Variants in BIVM observed in about 807,000 individuals in gnomAD.
BIVM encodes basic, immunoglobulin-like variable motif containing.
In BIVM, 31 loss-of-function variants were observed where a neutral mutation model predicts 61.4. The observed-to-expected ratio is 0.51, with a 90% confidence interval of 0.38 to 0.68. The LOEUF is 0.68. Among genes scored for constraint, BIVM ranks in the 30% least tolerant of loss-of-function variants. The pLI is 0.00. For synonymous variants in BIVM, 189 were observed against 210.7 expected (o/e 0.90, Z 0.89); for missense variants, 526 against 596.0 (o/e 0.88, Z 1.22).
At chr13:102,832,369 A>G (rs752356290) in intron 8 of BIVM, among the ~76,000 whole-genome samples, 19 of 151,780 alleles carry the variant, frequency 1.3e-4, no homozygotes, top group Non-Finnish European at 2.2e-4. Context: ...AAAATTTTTT[A>G]ATTTGTGTTT....
intron 10 of BIVM, 67 bp from the exon 11 acceptor site, chr13:102,839,505 A>G (rs1354436781): frequency 3.8e-6 from 6 of 1,567,096 alleles, no homozygotes; most frequent in Non-Finnish European, 5.2e-6. Context: ...GGGAGTTCAT[A>G]GGGACCTACA....
chr13:102,835,693 C>T (rs566951607), intron 9 of BIVM, among the ~76,000 whole-genome samples: 1 of 152,270 alleles, frequency 6.6e-6, no homozygotes, highest in South Asian at 2.1e-4. Flanking sequence ...CTATCACGCC[C>T]AGCTAATTTT....
At chr13:102,814,125 G>A (rs139996490) in intron 3 of BIVM, among the ~76,000 whole-genome samples, 16 of 152,276 alleles carry the variant, frequency 1.1e-4, no homozygotes, top group Admixed American at 1.0e-3. Context: ...TTGGTGTTGA[G>A]GCTGTGTGTG....
intron 7 of BIVM, among the ~76,000 whole-genome samples, chr13:102,822,393 A>G (rs572715104): frequency 1.6e-4 from 24 of 152,322 alleles, no homozygotes; most frequent in African/African-American, 5.5e-4. Context: ...ACTTTAAGGT[A>G]TATCACAAAC....
intron 7 of BIVM, among the ~76,000 whole-genome samples, chr13:102,822,941 G>GAC (rs1880397586): frequency 6.6e-6 from 1 of 152,184 alleles, no homozygotes; most frequent in South Asian, 2.1e-4. Context: ...ATAGCCAAGG[G>GAC]ACACAGCGAG....
At chr13:102,832,154 G>A (rs1389326235) in intron 8 of BIVM, among the ~76,000 whole-genome samples, 1 of 152,120 alleles carries the variant, frequency 6.6e-6, no homozygotes, top group Non-Finnish European at 1.5e-5. Context: ...TTTAGATACT[G>A]TTGTTCAGTC....
Position 102,808,040 on chromosome 13 carries a change from T to C in BIVM, c.478+295T>C, listed in dbSNP as rs569862452. ...AGATGGTAGCTTAGAAAATGAAATG[T>C]TAATAACATGGCTAGAATAACTTAC... On this transcript the variant is annotated intron_variant, in intron 3 of 10. Transcript: ENST00000257336. 3.3e-5 allele frequency among the ~76,000 whole-genome samples: 5 copies of C among 152,356 alleles called. No individual in the cohort carries two copies. In the South Asian group the frequency reaches 1.0e-3, roughly 32 times the overall value.
chr13:102,838,073 A>C (rs977709065), intron 9 of BIVM, among the ~76,000 whole-genome samples: 1 of 152,216 alleles, frequency 6.6e-6, no homozygotes, highest in Admixed American at 6.5e-5. Flanking sequence ...AAGATATTGC[A>C]ATAAAAAGGT....
chr13:102,831,147 C>T (rs1881038780), intron 7 of BIVM, among the ~76,000 whole-genome samples: 1 of 152,152 alleles, frequency 6.6e-6, no homozygotes. Context: ...TTTATAAAGA[C>T]ATATTAGTAC....
In BIVM at chr13:102,835,678, G is replaced by A. The variant is rs531637557; in HGVS notation, c.1121+1126G>A. ...CTCCTGAGTAGTTGGGCTTACAGGC[G>A]CCCACTATCACGCCCAGCTAATTTT... On this transcript the variant is annotated intron_variant, in intron 9 of 10. Coordinates refer to ENST00000257336, the MANE Select transcript of BIVM (RefSeq NM_017693.4). Among the ~76,000 whole-genome samples the A allele has an allele frequency of 7.2e-5, 11 of 152,206 alleles. No homozygotes were observed. The South Asian group carries it at 1.0e-3, about 14-fold the overall frequency.
At chr13:102,829,484 A>G (rs1402885366) in intron 7 of BIVM, among the ~76,000 whole-genome samples, 1 of 152,184 alleles carries the variant, frequency 6.6e-6, no homozygotes, top group Non-Finnish European at 1.5e-5. Flanking sequence ...CCTCAGTAAT[A>G]CATTTGTGTC....
chr13:102,811,895 T>C (rs912969488), intron 3 of BIVM, among the ~76,000 whole-genome samples: 2 of 152,256 alleles, frequency 1.3e-5, no homozygotes, highest in African/African-American at 4.8e-5. Flanking sequence ...GTTGAGTTTC[T>C]TGGATGTTTA....
intron 3 of BIVM, among the ~76,000 whole-genome samples, 185 bp from the exon 4 acceptor site, chr13:102,816,243 A>T (rs1566448145): frequency 6.6e-6 from 1 of 152,078 alleles, no homozygotes; most frequent in African/African-American, 2.4e-5. Context: ...GTATTACTTC[A>T]TTGTGTTTGC....
At chr13:102,827,799 G>A (rs1301540655) in intron 7 of BIVM, among the ~76,000 whole-genome samples, 1 of 152,092 alleles carries the variant, frequency 6.6e-6, no homozygotes, top group Non-Finnish European at 1.5e-5. Context: ...GACATTACAC[G>A]TTACCCTATG....
intron 3 of BIVM, among the ~76,000 whole-genome samples, chr13:102,812,220 T>C (rs537997259): frequency 5.9e-5 from 9 of 152,330 alleles, no homozygotes. Context: ...AGAATTTATT[T>C]TTGGTTTTAA....
At chr13:102,829,361 C>G (rs572359983) in intron 7 of BIVM, among the ~76,000 whole-genome samples, 2 of 152,252 alleles carry the variant, frequency 1.3e-5, no homozygotes, top group East Asian at 3.9e-4. Context: ...TCTCCTTTCT[C>G]TATGCCGTGC....
intron 7 of BIVM, among the ~76,000 whole-genome samples, chr13:102,828,855 C>T (rs1566453798): frequency 1.3e-5 from 2 of 152,036 alleles, no homozygotes; most frequent in East Asian, 3.9e-4. Context: ...ATAGTGAAAC[C>T]TTTTCTCTAC....
intron 10 of BIVM, 27 bp downstream of exon 10, chr13:102,838,766 G>C: frequency 6.3e-7 from 1 of 1,598,780 alleles, no homozygotes; most frequent in Non-Finnish European, 8.5e-7. Flanking sequence ...TGTGTTTGAA[G>C]GCATTTCCCA....
intron 7 of BIVM, among the ~76,000 whole-genome samples, chr13:102,826,727 C>T (rs1880698627): frequency 1.3e-5 from 2 of 152,062 alleles, no homozygotes; most frequent in African/African-American, 2.4e-5. Flanking sequence ...TTTCTTTTTG[C>T]CTGCTGATTA....
Sources: gnomAD v4.1 joint callset for allele counts (sites outside exome capture counted in the v4.1 genomes callset) on GRCh38, gnomAD v4.1.1 for gene constraint, MANE v1.5 for transcripts, NCBI Gene and HGNC (gene_info 2026-07-23, HGNC 2026-07-21) for gene names.